Variants in AMD1 observed in about 807,000 individuals in gnomAD.
AMD1 encodes adenosylmethionine decarboxylase 1.
Under a neutral mutation model 40.2 loss-of-function variants are expected in AMD1, and 11 were observed. The observed-to-expected ratio is 0.27, with a 90% CI of 0.17 to 0.45. AMD1 has a LOEUF of 0.45. Among genes scored for constraint, AMD1 ranks in the 20% least tolerant of loss-of-function variants. The pLI is 1.00. For missense variants in AMD1, 257 were observed against 410.2 expected (o/e 0.63, Z 3.23); for synonymous variants, 121 against 130.8 (o/e 0.93, Z 0.51).
chr6:110,844,452 C>T, the AMD1 span, among the ~76,000 whole-genome samples: 1 of 151,622 alleles, frequency 6.6e-6, no homozygotes, highest in Non-Finnish European at 1.5e-5. Flanking sequence ...GCCGCCTTGC[C>T]TGGCCAAGTT....
At chr6:110,831,905 A>G in the AMD1 span, among the ~76,000 whole-genome samples, 2 of 151,832 alleles carry the variant, frequency 1.3e-5, no homozygotes, top group Non-Finnish European at 2.9e-5. Context: ...GTGCAATGGC[A>G]TTATCACAGC....
chr6:110,847,334 G>A, the AMD1 span, among the ~76,000 whole-genome samples: 47 of 152,030 alleles, frequency 3.1e-4, no homozygotes, highest in Non-Finnish European at 6.5e-4. Flanking sequence ...GACCATCCTG[G>A]CTAACACGGT....
At chr6:110,815,134 C>A in the AMD1 span, 1 of 1,596,226 alleles carries the variant, frequency 6.3e-7, no homozygotes, top group Non-Finnish European at 8.5e-7. Context: ...AATCATAATC[C>A]ATTGTCTGCT....
intron 7 of AMD1, 39 bp from the exon 8 acceptor site, chr6:110,892,871 A>G: frequency 6.2e-7 from 1 of 1,613,464 alleles, no homozygotes; most frequent in South Asian, 1.1e-5. Context: ...AAATGTGAAT[A>G]GTCTTTCCAT....
At chr6:110,856,096 T>G in the AMD1 span, among the ~76,000 whole-genome samples, 1 of 151,550 alleles carries the variant, frequency 6.6e-6, no homozygotes, top group South Asian at 2.1e-4. Context: ...TAAATAAAAA[T>G]TAATTAATTA....
intron 1 of AMD1, 78 bp from the exon 2 acceptor site, chr6:110,887,425 GAA>G: frequency 9.9e-7 from 1 of 1,007,572 alleles, no homozygotes; most frequent in Admixed American, 2.6e-5. Flanking sequence ...GTCTTCATGA[GAA>G]AAAGTGTGAG....
chr6:110,886,466 C>T lies in AMD1; in HGVS notation c.111-1039C>T, dbSNP rs1224295631. 5.3e-5 allele frequency among the ~76,000 whole-genome samples: 8 copies of T among 151,960 alleles called. No homozygotes were observed. In the East Asian group the frequency reaches 9.7e-4, roughly 18 times the overall value. On this transcript the variant is annotated intron_variant, in intron 1 of 8. Transcript: ENST00000368885. The stretch of plus-strand genomic sequence containing the variant: ...GATTATAAGCACCTGCCACCACGCC[C>T]GGCTAATTTTTGTATTTTTAGTAGA...
chr6:110,890,837 T>C (rs1237107085), intron 4 of AMD1: 1 of 152,238 alleles, frequency 6.6e-6, no homozygotes. Flanking sequence ...GTGATCTTTA[T>C]ATAGCTTGTA....
chr6:110,838,724 T>C, the AMD1 span, among the ~76,000 whole-genome samples: 3 of 152,144 alleles, frequency 2.0e-5, no homozygotes, highest in African/African-American at 7.2e-5. Flanking sequence ...TCTGGCATGG[T>C]GGCAGGTGCA....
the AMD1 span, among the ~76,000 whole-genome samples, chr6:110,868,465 A>G: frequency 6.6e-6 from 1 of 151,790 alleles, no homozygotes; most frequent in Non-Finnish European, 1.5e-5. Flanking sequence ...TCTTATTTTT[A>G]ATCTTATATC....
the AMD1 span, among the ~76,000 whole-genome samples, chr6:110,842,597 G>A: frequency 6.6e-6 from 1 of 152,138 alleles, no homozygotes; most frequent in Non-Finnish European, 1.5e-5. Context: ...AGTAGTAGTA[G>A]TCGTTTTCTG....
At chr6:110,862,920 TTTTTTGTTTGTTTGTTTTTGTTTG>T in the AMD1 span, among the ~76,000 whole-genome samples, 3 of 148,426 alleles carry the variant, frequency 2.0e-5, no homozygotes, top group East Asian at 1.9e-4. Context: ...CCAAGTTCAG[TTTTTTGTTTGTTTGTTTTTGTTTG>T]TTTTTGTTTG....
chr6:110,820,705 C>A, the AMD1 span, among the ~76,000 whole-genome samples: 1 of 152,044 alleles, frequency 6.6e-6, no homozygotes, highest in Non-Finnish European at 1.5e-5. Context: ...AGCTGGAGAC[C>A]AGCCTGGCCA....
At chr6:110,825,556 C>G in the AMD1 span, among the ~76,000 whole-genome samples, 1 of 152,184 alleles carries the variant, frequency 6.6e-6, no homozygotes, top group African/African-American at 2.4e-5. Context: ...CATGTAGGTA[C>G]CACTGCCACT....
the AMD1 span, among the ~76,000 whole-genome samples, chr6:110,869,164 T>C: frequency 6.6e-6 from 1 of 152,090 alleles, no homozygotes; most frequent in African/African-American, 2.4e-5. Flanking sequence ...GGAGTCTCTC[T>C]CTGTAGCCCA....
chr6:110,879,818 T>C (rs1156662637), intron 1 of AMD1, among the ~76,000 whole-genome samples: 1 of 152,198 alleles, frequency 6.6e-6, no homozygotes, highest in Non-Finnish European at 1.5e-5. Context: ...TCTAATGACC[T>C]GGAAGCTTTT....
At chr6:110,868,631 T>C in the AMD1 span, among the ~76,000 whole-genome samples, 1 of 152,030 alleles carries the variant, frequency 6.6e-6, no homozygotes, top group Non-Finnish European at 1.5e-5. Context: ...TTGAGGAGAG[T>C]CTTATCAAAT....
At chr6:110,886,676 G>A (rs1312270689) in intron 1 of AMD1, among the ~76,000 whole-genome samples, 1 of 152,164 alleles carries the variant, frequency 6.6e-6, no homozygotes, top group East Asian at 1.9e-4. Context: ...GAGAGACTAA[G>A]GCAAGAGAAT....
At chr6:110,857,407 C>A in the AMD1 span, among the ~76,000 whole-genome samples, 2 of 151,508 alleles carry the variant, frequency 1.3e-5, no homozygotes, top group African/African-American at 4.9e-5. Context: ...TGGTGCATGC[C>A]TATAATCCCA....
Sources: allele counts gnomAD v4.1 joint callset (sites outside exome capture counted in the v4.1 genomes callset), GRCh38; gene constraint gnomAD v4.1.1; transcripts MANE v1.5; gene names NCBI Gene and HGNC (gene_info 2026-07-23, HGNC 2026-07-21).